The following FAR2 variants were observed in gnomAD, a reference collection of about 807,000 sequenced individuals.
The protein encoded by FAR2 is epididymis secretory protein Li 81.
In FAR2, 19 loss-of-function variants were observed where a neutral mutation model predicts 56.0. That is an observed-to-expected ratio of 0.34 (90% CI 0.24 to 0.50). FAR2 has a LOEUF of 0.50. Ranked by LOEUF, FAR2 falls within the 20% of genes least tolerant of loss-of-function variation. The probability of loss-of-function intolerance (pLI) is 0.98; values close to 1 mark genes in which losing one functional copy is unlikely to be tolerated. For missense variants in FAR2, 508 were observed against 642.2 expected (o/e 0.79, Z 2.26); for synonymous variants, 219 against 218.8 (o/e 1.00, Z -0.01).
chr12:29,307,235 T>C (rs1168291175), intron 4 of FAR2, among the ~76,000 whole-genome samples: 1 of 152,172 alleles, frequency 6.6e-6, no homozygotes, highest in Non-Finnish European at 1.5e-5. Context: ...TAATCTCTAA[T>C]ATAGTACTAA....
chr12:29,214,222 A>C (rs1426802967), intron 1 of FAR2, among the ~76,000 whole-genome samples: 1 of 152,208 alleles, frequency 6.6e-6, no homozygotes, highest in Non-Finnish European at 1.5e-5. Flanking sequence ...ATGGTATTTG[A>C]GAATACCACT....
At chr12:29,172,579 AGGTTGCCAGGTTTAAT>A (rs1343259146) in intron 1 of FAR2, among the ~76,000 whole-genome samples, 2 of 151,950 alleles carry the variant, frequency 1.3e-5, no homozygotes, top group Admixed American at 6.6e-5. Context: ...TAGAACGCTG[AGGTTGCCAGGTTTAAT>A]AATGCCTCCA....
At chr12:29,259,633 A>C (rs1013105844) in intron 1 of FAR2, among the ~76,000 whole-genome samples, 2 of 152,196 alleles carry the variant, frequency 1.3e-5, no homozygotes, top group Non-Finnish European at 2.9e-5. Flanking sequence ...TTTTATCACC[A>C]AAAGGAGACA....
chr12:29,241,856 G>GAATT (rs1948042144), intron 1 of FAR2, among the ~76,000 whole-genome samples: 1 of 152,240 alleles, frequency 6.6e-6, no homozygotes, highest in African/African-American at 2.4e-5. Context: ...ATTCCAGAGA[G>GAATT]AATTGCTGAT....
chr12:29,314,312 T>G (rs1302568267), intron 8 of FAR2, among the ~76,000 whole-genome samples: 1 of 152,122 alleles, frequency 6.6e-6, no homozygotes, highest in Non-Finnish European at 1.5e-5. Flanking sequence ...GATACATCAC[T>G]AAACAGAAAT....
intron 1 of FAR2, among the ~76,000 whole-genome samples, chr12:29,175,336 TC>T (rs1949927361): frequency 1.3e-5 from 2 of 152,176 alleles, no homozygotes; most frequent in South Asian, 4.1e-4. Context: ...TGGAGTCTGT[TC>T]CTTCAGATGT....
intron 6 of FAR2, among the ~76,000 whole-genome samples, chr12:29,310,735 C>T (rs748219274): frequency 1.1e-3 from 164 of 152,098 alleles, no homozygotes; most frequent in Non-Finnish European, 1.7e-3. Flanking sequence ...AAAGTTTATT[C>T]TTGGTGTTTG....
chr12:29,279,774 T>C (rs1333372595), intron 2 of FAR2, among the ~76,000 whole-genome samples: 1 of 152,140 alleles, frequency 6.6e-6, no homozygotes, highest in Non-Finnish European at 1.5e-5. Context: ...GAGATAGAGC[T>C]TGGTAGAGAG....
At chr12:29,293,264 C>A in intron 2 of FAR2, 36 bp from the exon 3 acceptor site, 2 of 1,440,016 alleles carry the variant, frequency 1.4e-6, no homozygotes, top group Non-Finnish European at 1.9e-6. Context: ...AATGATGGTG[C>A]TATTTTTTGT....
At chr12:29,227,377 C>G (rs1947785590) in intron 1 of FAR2, among the ~76,000 whole-genome samples, 1 of 152,184 alleles carries the variant, frequency 6.6e-6, no homozygotes, top group Non-Finnish European at 1.5e-5. Flanking sequence ...GGTTCATCCC[C>G]TATTCCTGAT....
chr12:29,198,269 C>T (rs549134935), intron 1 of FAR2, among the ~76,000 whole-genome samples: 2 of 152,026 alleles, frequency 1.3e-5, no homozygotes, highest in African/African-American at 2.4e-5. Context: ...ACTTTGTTGC[C>T]GGGCTGGAGT....
At position 29,174,025 on chromosome 12, in the gene FAR2, C is replaced by G. The variant is rs369253787; in HGVS notation, c.-39+24618C>G. The stretch of plus-strand genomic sequence containing the variant: ...ACCTGTTGGAGTCCTAAGCATTCTC[C>G]TGTTAGTATTGGGACTTTACCCCTG... On this transcript the variant is annotated intron_variant, in intron 1 of 11. Coordinates refer to ENST00000536681, the MANE Select transcript of FAR2 (RefSeq NM_001271783.2). Among the ~76,000 whole-genome samples, 287 of 152,234 alleles carry G rather than the reference C, an allele frequency of 1.9e-3. 1 individual carries two copies. The highest frequency in any genetic ancestry group is 6.6e-3 in the African/African-American group (276 of 41,534).
intron 2 of FAR2, among the ~76,000 whole-genome samples, chr12:29,292,763 AT>A (rs1010333198): frequency 6.6e-6 from 1 of 152,084 alleles, no homozygotes; most frequent in Non-Finnish European, 1.5e-5. Flanking sequence ...TCTGTCTACC[AT>A]TTTTCTGCAC....
At position 29,194,166 on chromosome 12, in the gene FAR2, T is replaced by G. The variant is rs138496939; in HGVS notation, c.-39+44759T>G. Among the ~76,000 whole-genome samples the G allele has an allele frequency of 1.9e-3, 288 of 152,254 alleles. 1 individual carries two copies. Among genetic ancestry groups the G allele is most frequent in the South Asian group, 0.011 (51 of 4,828 alleles). ...GAGTATATATTATTTCCTAGAGGAA[T>G]AAAACTGTGTTTCCTTTATAGTTAA... On this transcript the variant is annotated intron_variant, in intron 1 of 11. Coordinates refer to ENST00000536681, the MANE Select transcript of FAR2 (RefSeq NM_001271783.2).
At chr12:29,280,377 AG>A (rs764548221) in intron 2 of FAR2, 16 of 152,352 alleles carry the variant, frequency 1.1e-4, no homozygotes, top group Non-Finnish European at 2.2e-4. Flanking sequence ...TTCTATAGTT[AG>A]TCATCATTTC....
chr12:29,157,181 A>C (rs1320166366), intron 1 of FAR2, among the ~76,000 whole-genome samples: 3 of 146,474 alleles, frequency 2.0e-5, no homozygotes, highest in Non-Finnish European at 4.5e-5. Context: ...TTAAACAATG[A>C]AAATTGATTA....
chr12:29,240,345 G>A (rs548411749), intron 1 of FAR2, among the ~76,000 whole-genome samples: 17 of 152,074 alleles, frequency 1.1e-4, no homozygotes, highest in South Asian at 2.1e-4. Context: ...TCCTGCTTCC[G>A]TGCAATTCTT....
chr12:29,181,683 A>T (rs1233744693), intron 1 of FAR2, among the ~76,000 whole-genome samples: 1 of 152,226 alleles, frequency 6.6e-6, no homozygotes, highest in Non-Finnish European at 1.5e-5. Flanking sequence ...AATCTAGGGT[A>T]AATCTGCCCA....
intron 1 of FAR2, among the ~76,000 whole-genome samples, chr12:29,198,010 A>T (rs981613342): frequency 1.2e-4 from 18 of 152,330 alleles, no homozygotes; most frequent in African/African-American, 4.3e-4. Flanking sequence ...TAATGGTGAC[A>T]TTAAATGTAT....
Sources: gnomAD v4.1 joint callset for allele counts (sites outside exome capture counted in the v4.1 genomes callset) on GRCh38, gnomAD v4.1.1 for gene constraint, MANE v1.5 for transcripts, NCBI Gene and HGNC (gene_info 2026-07-23, HGNC 2026-07-21) for gene names.